The following PLEKHG1 variants were observed in gnomAD, a reference collection of about 807,000 sequenced individuals.
The protein encoded by PLEKHG1 is pleckstrin homology and RhoGEF domain containing G1.
In PLEKHG1, 44 loss-of-function variants were observed where a neutral mutation model predicts 100.8. That is an observed-to-expected ratio of 0.44 (90% confidence interval 0.34 to 0.56). The LOEUF (loss-of-function observed/expected upper bound fraction) is 0.56. PLEKHG1 is among the 20% of genes least tolerant of loss of function. The pLI is 0.01. For synonymous variants in PLEKHG1, 640 were observed against 662.5 expected (o/e 0.97, Z 0.52); for missense variants, 1,545 against 1,720.9 (o/e 0.90, Z 1.81).
chr6:150,670,869 GCCC>G (rs149940870), intron 3 of PLEKHG1, among the ~76,000 whole-genome samples: 2 of 145,558 alleles, frequency 1.4e-5, no homozygotes, highest in South Asian at 4.4e-4. Flanking sequence ...TTTATCCCTT[GCCC>G]CCCCCTCCCA....
At chr6:150,725,036 T>C (rs1562463898) in intron 1 of PLEKHG1, among the ~76,000 whole-genome samples, 1 of 152,198 alleles carries the variant, frequency 6.6e-6, no homozygotes. Context: ...TATGCTGCTG[T>C]AACAAAATAG....
intron 2 of PLEKHG1, 26 bp from the exon 2 acceptor site, chr6:150,650,702 C>T (rs1333213849): frequency 6.6e-6 from 1 of 152,102 alleles, no homozygotes; most frequent in Non-Finnish European, 1.5e-5. Context: ...AAGTAAAAAG[C>T]AATTTATTTT....
At position 150,694,863 on chromosome 6, in the gene PLEKHG1, T is replaced by C. The variant is rs1463316753; in HGVS notation, c.-98-38721T>C. Reference sequence around the variant, plus strand: ...CAATTCCTAGTAACTGGAGCTGTAGTTCTTAGTAGCTGGAGTTATCAACAT... The same window carrying C: ...CAATTCCTAGTAACTGGAGCTGTAGCTCTTAGTAGCTGGAGTTATCAACAT... On this transcript the variant is annotated intron_variant, in intron 3 of 3. Transcript: ENST00000367326. Among the ~76,000 whole-genome samples, 4 of 152,196 alleles carry C rather than the reference T, an allele frequency of 2.6e-5. No homozygotes were observed. In the East Asian group the frequency reaches 7.7e-4, roughly 29 times the overall value.
rs1248322618 is a variant in PLEKHG1, at chr6:150,683,054, T to G, written c.-99+32268T>G. Among the ~76,000 whole-genome samples, 1 of 152,208 alleles carries G rather than the reference T, an allele frequency of 6.6e-6. No individual in the cohort carries two copies. The highest frequency in any genetic ancestry group is 1.5e-5 in the Non-Finnish European group (1 of 68,042). The stretch of plus-strand genomic sequence containing the variant: ...CGTGCGCATCTTAACAGTTGACAAC[T>G]ACATCATCACAGCTTGACACACGTT... On this transcript the variant is annotated intron_variant, in intron 3 of 3. Coordinates refer to the PLEKHG1 transcript ENST00000367326. The surrounding 1 kb of genome is among the most constrained non-coding windows in gnomAD (Gnocchi z 4.0).
At chr6:150,620,597 T>C (rs1777257571) in intron 1 of PLEKHG1, among the ~76,000 whole-genome samples, 2 of 152,238 alleles carry the variant, frequency 1.3e-5, no homozygotes, top group Admixed American at 1.3e-4. Flanking sequence ...GCTTGTCTTT[T>C]AAATTGCCAG....
At chr6:150,674,729 A>T (rs1246889970) in intron 3 of PLEKHG1, among the ~76,000 whole-genome samples, 1 of 133,086 alleles carries the variant, frequency 7.5e-6, no homozygotes, top group Non-Finnish European at 1.5e-5. Context: ...GTCGCTCAGG[A>T]TGGAGTGCAG....
chr6:150,832,325 C>A, intron 15 of PLEKHG1, 120 bp downstream of exon 16: 1 of 771,508 alleles, frequency 1.3e-6, no homozygotes, highest in Non-Finnish European at 2.0e-6. Context: ...TTTGTCATCT[C>A]AAAGTAAGAC....
At chr6:150,692,889 A>G (rs918625033) in intron 3 of PLEKHG1, among the ~76,000 whole-genome samples, 10 of 152,210 alleles carry the variant, frequency 6.6e-5, no homozygotes, top group Non-Finnish European at 1.5e-4. Flanking sequence ...AAGGCCATCC[A>G]AGGGCAGGCG....
At chr6:150,641,876 CAAAAA>C (rs71554473) in intron 2 of PLEKHG1, among the ~76,000 whole-genome samples, 45 of 76,806 alleles carry the variant, frequency 5.9e-4, no homozygotes, top group African/African-American at 2.2e-3. Flanking sequence ...TGTGAAAAGG[CAAAAA>C]AAAAAAAAAA....
At chr6:150,644,334 G>GTTTTGTTTTTTTTTTTTTT in intron 2 of PLEKHG1, among the ~76,000 whole-genome samples, 1 of 117,602 alleles carries the variant, frequency 8.5e-6, no homozygotes, top group African/African-American at 3.5e-5. Context: ...TTCTTTTCGT[G>GTTTTGTTTTTTTTTTTTTT]TTTTTTTTTT....
intron 2 of PLEKHG1, among the ~76,000 whole-genome samples, chr6:150,763,968 T>TGCTTTCTATTATTCTCCAC (rs1457080095): frequency 6.6e-6 from 1 of 152,140 alleles, no homozygotes; most frequent in African/African-American, 2.4e-5. Context: ...CTGGACTCCA[T>TGCTTTCTATTATTCTCCAC]GCTTTCTATT....
At chr6:150,752,046 C>T (rs1257738481) in intron 2 of PLEKHG1, among the ~76,000 whole-genome samples, 1 of 152,064 alleles carries the variant, frequency 6.6e-6, no homozygotes, top group Non-Finnish European at 1.5e-5. Context: ...GAAAGCCGGG[C>T]ATGGTGGAAG....
intron 1 of PLEKHG1, among the ~76,000 whole-genome samples, chr6:150,636,681 A>C (rs1370480095): frequency 6.6e-6 from 1 of 152,100 alleles, no homozygotes; most frequent in Non-Finnish European, 1.5e-5. Context: ...ACATGTTTGG[A>C]GTTCTAGGTT....
In PLEKHG1 at chr6:150,830,781, A is replaced by T. The variant is rs766909658; in HGVS notation, c.1670A>T (p.Asp557Val). 3.7e-6 allele frequency: 6 copies of T among 1,614,122 alleles called. No homozygotes were observed. The Admixed American group carries it at 1.0e-4, about 27-fold the overall frequency. The change falls in exon 15 of 16, where the codon GAT (aspartate) becomes GTT (valine). Residue 557 changes from aspartate (D) to valine (V), a missense_variant. Transcript: ENST00000358517. ...CCGCAGGAGAATGAGGATGATGAAG[A>T]TGATTATCAGATGTTCGTGCCGTCA...
chr6:150,749,155 C>T (rs954114539), intron 2 of PLEKHG1, among the ~76,000 whole-genome samples: 2 of 152,156 alleles, frequency 1.3e-5, no homozygotes, highest in Non-Finnish European at 2.9e-5. Flanking sequence ...GCCTCCCAGC[C>T]GTTTCATTTG....
At chr6:150,748,360 A>C (rs564503074) in intron 2 of PLEKHG1, among the ~76,000 whole-genome samples, 1 of 152,364 alleles carries the variant, frequency 6.6e-6, no homozygotes, top group South Asian at 2.1e-4. Flanking sequence ...TTAGAACTGG[A>C]AATAACTCAG....
At chr6:150,829,270 T>A (rs745554196) in intron 14 of PLEKHG1, among the ~76,000 whole-genome samples, 2 of 152,186 alleles carry the variant, frequency 1.3e-5, no homozygotes, top group African/African-American at 4.8e-5. Context: ...CTGAGCTCCA[T>A]CCAGAAGGGT....
upstream of PLEKHG1, among the ~76,000 whole-genome samples, chr6:150,717,309 G>T (rs924205307): frequency 6.6e-6 from 1 of 152,002 alleles, no homozygotes; most frequent in Admixed American, 6.6e-5. Flanking sequence ...CAAAGTGCTG[G>T]GATTACAGGC....
chr6:150,772,927 T>G (rs1488313336), intron 3 of PLEKHG1, among the ~76,000 whole-genome samples: 1 of 152,222 alleles, frequency 6.6e-6, no homozygotes, highest in African/African-American at 2.4e-5. Flanking sequence ...CAGTGATCTT[T>G]GCAGATTATG....
Sources: allele counts gnomAD v4.1 joint callset (sites outside exome capture counted in the v4.1 genomes callset), GRCh38; gene constraint gnomAD v4.1.1; non-coding constraint Gnocchi (gnomAD v3.1); transcripts MANE v1.5; gene names NCBI Gene and HGNC (gene_info 2026-07-23, HGNC 2026-07-21).